ZNF69: variants seen among roughly 807,000 people sequenced by gnomAD.
The protein encoded by ZNF69 is ZNF3.
ZNF69 carries 47 observed loss-of-function variants against 50.9 expected under a neutral mutation model. The ratio of observed to expected loss-of-function variants is 0.92; its 90% CI spans 0.73 to 1.18. The LOEUF (loss-of-function observed/expected upper bound fraction) is 1.18, where lower values mean the gene tolerates loss of function less well. Ranked by LOEUF, ZNF69 falls within the 50% of genes most tolerant of loss-of-function variation. ZNF69 has a pLI of 0.00. For missense variants in ZNF69, 717 were observed against 675.1 expected, an observed-to-expected ratio of 1.06 and a Z score of -0.69; for synonymous variants, 216 against 223.1, an observed-to-expected ratio of 0.97 and a Z score of 0.29.
At position 11,890,865 on chromosome 19, in the gene ZNF69, C is replaced by T. The variant is rs150422709; in HGVS notation, c.63+2879C>T. On this transcript the variant is annotated intron_variant, in intron 1 of 3. Transcript: ENST00000429654. ...GCTTGATTGGTTGCAGAGATGCAGT[C>T]GCCTTATTTGGACTTGCCAGCCCGA... 7.2e-3 allele frequency among the ~76,000 whole-genome samples: 1,088 copies of T among 152,156 alleles called. 13 individuals carry two copies. The highest frequency in any genetic ancestry group is 0.025 in the African/African-American group (1,038 of 41,494).
intron 1 of ZNF69, among the ~76,000 whole-genome samples, chr19:11,892,249 C>T (rs1445244988): frequency 6.6e-6 from 1 of 151,202 alleles, no homozygotes; most frequent in African/African-American, 2.4e-5. Flanking sequence ...AAAAGTGCTG[C>T]GATCACAGAC....
At chr19:11,952,281 T>G in the ZNF69 span, among the ~76,000 whole-genome samples, 1 of 152,220 alleles carries the variant, frequency 6.6e-6, no homozygotes, top group African/African-American at 2.4e-5. Context: ...TTTCCTAAAA[T>G]GTATGGGCAC....
chr19:11,926,834 A>T, the ZNF69 span: 3 of 153,302 alleles, frequency 2.0e-5, no homozygotes, highest in African/African-American at 7.2e-5. Context: ...TAGAAAGGTC[A>T]AGATTTCAGT....
chr19:11,963,655 A>C, the ZNF69 span, among the ~76,000 whole-genome samples: 15 of 152,172 alleles, frequency 9.9e-5, no homozygotes, highest in South Asian at 2.7e-3. Flanking sequence ...TATGATAGCC[A>C]CAGGCCCACA....
chr19:11,951,311 C>A, the ZNF69 span, among the ~76,000 whole-genome samples: 1 of 150,840 alleles, frequency 6.6e-6, no homozygotes, highest in African/African-American at 2.4e-5. Flanking sequence ...TCACTGCCAC[C>A]TCCGCCTCCT....
the ZNF69 span, among the ~76,000 whole-genome samples, chr19:11,928,455 G>T: frequency 2.0e-3 from 308 of 150,554 alleles, 1 homozygote; most frequent in African/African-American, 7.4e-3. Context: ...TCTCTGGGCC[G>T]GGCGCGGTGG....
At chr19:11,917,631 A>ATTTGTTTGTTTG (rs1351460390), downstream of ZNF69, among the ~76,000 whole-genome samples, 14 of 100,056 alleles carry the variant, frequency 1.4e-4, no homozygotes, top group African/African-American at 6.5e-4. Context: ...CTGAGAATTT[A>ATTTGTTTGTTTG]TTTATTTGTT....
downstream of ZNF69, among the ~76,000 whole-genome samples, chr19:11,916,023 G>A (rs1383664080): frequency 6.6e-6 from 1 of 152,164 alleles, no homozygotes; most frequent in Non-Finnish European, 1.5e-5. Flanking sequence ...GAGAACCTCA[G>A]AGCCCCGGAA....
chr19:11,956,818 C>T, the ZNF69 span, among the ~76,000 whole-genome samples: 1 of 152,130 alleles, frequency 6.6e-6, no homozygotes, highest in African/African-American at 2.4e-5. Flanking sequence ...CACACCATTG[C>T]ACTTCAGATT....
the ZNF69 span, among the ~76,000 whole-genome samples, chr19:11,945,905 AG>A: frequency 2.6e-5 from 4 of 152,132 alleles, no homozygotes; most frequent in Non-Finnish European, 5.9e-5. Flanking sequence ...GTACAAGTGC[AG>A]GGCAAGCAGA....
At chr19:11,890,562 T>C (rs1568271179) in intron 1 of ZNF69, among the ~76,000 whole-genome samples, 1 of 152,210 alleles carries the variant, frequency 6.6e-6, no homozygotes, top group Non-Finnish European at 1.5e-5. Context: ...TGTCTTCCTT[T>C]TCTATGTAGA....
the ZNF69 span, among the ~76,000 whole-genome samples, chr19:11,935,036 G>A: frequency 6.9e-6 from 1 of 145,756 alleles, no homozygotes; most frequent in East Asian, 2.1e-4. Flanking sequence ...AATTAGCCAG[G>A]CATGGTGGCG....
chr19:11,931,190 G>A, the ZNF69 span, among the ~76,000 whole-genome samples: 1 of 147,762 alleles, frequency 6.8e-6, no homozygotes, highest in African/African-American at 2.7e-5. Context: ...CATAGACTGG[G>A]TGACTTAAAG....
At chr19:11,979,149 A>G in the ZNF69 span, 2 of 1,611,996 alleles carry the variant, frequency 1.2e-6, no homozygotes, top group Non-Finnish European at 8.5e-7. Context: ...CTGCCAAGTC[A>G]TTTCGAAGAC....
At chr19:11,951,678 C>T in the ZNF69 span, among the ~76,000 whole-genome samples, 1 of 152,172 alleles carries the variant, frequency 6.6e-6, no homozygotes, top group Non-Finnish European at 1.5e-5. Context: ...TCATAAATGA[C>T]TGTGGGATGT....
the ZNF69 span, among the ~76,000 whole-genome samples, chr19:11,951,912 C>T: frequency 2.4e-4 from 37 of 152,198 alleles, no homozygotes; most frequent in East Asian, 5.8e-4. Context: ...CTGTGGCTCA[C>T]GCCTGTAATC....
At chr19:11,937,048 T>A in the ZNF69 span, among the ~76,000 whole-genome samples, 1 of 152,210 alleles carries the variant, frequency 6.6e-6, no homozygotes, top group East Asian at 1.9e-4. Flanking sequence ...TTGGTCTATA[T>A]ATCTGTTTTG....
Position 11,904,715 on chromosome 19 carries a change from G to C in ZNF69, c.318G>C (p.Gln106His). ...DDSHCGETFT[Q>H]VPDDRLNFQE... ...GTCATTGTGGAGAAACTTTTACCCA[G>C]GTTCCAGATGACAGGCTGAACTTCC... The change falls in exon 4 of 4, where the codon CAG (glutamine) becomes CAC (histidine). Residue 106 changes from glutamine to histidine, a missense_variant. Physicochemically the swap from Gln to His is conservative, Grantham distance 24. Transcript: ENST00000429654. The C allele has an allele frequency of 6.2e-7, 1 of 1,613,948 alleles. No individual in the cohort carries two copies. The highest frequency in any genetic ancestry group is 1.1e-5 in the South Asian group (1 of 91,068).
At chr19:11,890,573 C>T (rs893764503) in intron 1 of ZNF69, among the ~76,000 whole-genome samples, 1 of 152,132 alleles carries the variant, frequency 6.6e-6, no homozygotes, top group Admixed American at 6.5e-5. Flanking sequence ...TCTATGTAGA[C>T]ACAGTAACAA....
Sources: gnomAD v4.1 joint callset for allele counts (sites outside exome capture counted in the v4.1 genomes callset) on GRCh38, gnomAD v4.1.1 for gene constraint, MANE v1.5 for transcripts, NCBI Gene and HGNC (gene_info 2026-07-23, HGNC 2026-07-21) for gene names.